TCIRG1: variants seen among roughly 807,000 people sequenced by gnomAD.
The protein encoded by TCIRG1 is T cell immune regulator 1, ATPase H+ transporting V0 subunit a3, also known as V-type proton ATPase 116 kDa subunit a 3.
A neutral mutation model predicts 95.5 loss-of-function variants in TCIRG1; 86 were observed. The ratio of observed to expected loss-of-function variants is 0.90; its 90% CI spans 0.76 to 1.08. TCIRG1 has a LOEUF of 1.08. Ranked by LOEUF, TCIRG1 falls within the 50% of genes least tolerant of loss-of-function variation. The pLI is 0.00. For synonymous variants in TCIRG1, 499 were observed against 501.3 expected (o/e 1.00, Z 0.06); for missense variants, 1,069 against 1,140.2 (o/e 0.94, Z 0.90).
chr11:68,044,223 A>G lies in TCIRG1; in HGVS notation c.899A>G (p.Lys300Arg). Residue 300 changes from lysine to arginine, a missense_variant, in exon 9 of 20, where the codon AAG becomes AGG. Coordinates refer to ENST00000265686, the MANE Select transcript of TCIRG1 (RefSeq NM_006019.4). ...GGGCAGGTGCAGGTCCACAAGATGAAGGCCGTGTACCTGGCCCTGAACCAG... is the reference window on the plus strand; with the variant it reads ...GGGCAGGTGCAGGTCCACAAGATGAGGGCCGTGTACCTGGCCCTGAACCAG... ...PPGQVQVHKMKAVYLALNQCS... is the reference protein window; with the variant it reads ...PPGQVQVHKMRAVYLALNQCS... 1 of 1,582,782 alleles carries G rather than the reference A, an allele frequency of 6.3e-7. No homozygotes were observed. Among genetic ancestry groups the G allele is most frequent in the Non-Finnish European group, 8.6e-7 (1 of 1,166,118 alleles).
intron 10 of TCIRG1, among the ~76,000 whole-genome samples, chr11:68,045,928 G>T (rs1855460781): frequency 6.6e-6 from 1 of 152,196 alleles, no homozygotes; most frequent in South Asian, 2.1e-4. Context: ...TATGGGCCGG[G>T]CCCCCACTCA....
At chr11:68,050,090 G>A (rs780916337) in intron 17 of TCIRG1, 24 bp downstream of exon 17, 1 of 1,612,308 alleles carries the variant, frequency 6.2e-7, no homozygotes, top group South Asian at 1.1e-5. Context: ...CTTCCTGGGG[G>A]TGGGACGGCT....
At chr11:68,048,147 C>A in intron 13 of TCIRG1, 175 bp downstream of exon 13, 1 of 696,550 alleles carries the variant, frequency 1.4e-6, no homozygotes, top group Non-Finnish European at 2.6e-6. Context: ...GCATCACAGT[C>A]CCCTGAGTGT....
chr11:68,040,467 G>T lies in TCIRG1; in HGVS notation c.-4-801G>T, dbSNP rs558432292. 2.0e-5 allele frequency among the ~76,000 whole-genome samples: 3 copies of T among 152,322 alleles called. No homozygotes were observed. In the South Asian group the frequency reaches 6.2e-4, roughly 32 times the overall value. On this transcript the variant is annotated intron_variant, in intron 1 of 19. Transcript: ENST00000265686. ...GTTAAGTAAACCAGACCCAGGGGAG[G>T]AAGTGACTGGCTGGGCAGGCGGGGC...
chr11:68,046,472 C>T (rs1403421849), intron 10 of TCIRG1, among the ~76,000 whole-genome samples: 3 of 152,186 alleles, frequency 2.0e-5, no homozygotes, highest in Non-Finnish European at 4.4e-5. Flanking sequence ...CACTGTTCTC[C>T]TTCTATGTGG....
chr11:68,047,894 G>A lies in TCIRG1; in HGVS notation c.1476G>A (p.Leu492=), dbSNP rs1270247395. The change falls in exon 13 of 20, where the codon CTG becomes CTA. Residue 492 remains leucine, a synonymous_variant. Coordinates refer to ENST00000265686, the MANE Select transcript of TCIRG1 (RefSeq NM_006019.4). ...ANQSGWSDAF[L]AQHTMLTLDP... is the part of the protein sequence containing the mutation. ...TGCGTTGCCGCAGTGATGCATTCCT[G>A]GCCCAGCACACGATGCTTACCCTGG... The A allele has an allele frequency of 2.4e-5, 38 of 1,613,662 alleles. No individual in the cohort carries two copies. Among genetic ancestry groups the A allele is most frequent in the Non-Finnish European group, 3.2e-5 (38 of 1,180,006 alleles).
In TCIRG1 at chr11:68,047,874, T is replaced by C. The variant is rs747745829; in HGVS notation, c.1464-8T>C. 6.2e-7 allele frequency: 1 copy of C among 1,613,320 alleles called. No individual in the cohort carries two copies. Among genetic ancestry groups the C allele is most frequent in the African/African-American group, 1.3e-5 (1 of 74,932 alleles). On this transcript the variant is annotated splice_polypyrimidine_tract_variant and splice_region_variant and intron_variant, in intron 12 of 19. Coordinates refer to ENST00000265686, the MANE Select transcript of TCIRG1 (RefSeq NM_006019.4). Reference sequence around the variant, plus strand: ...CAGCCCTGACCGCCCTCCCCTGCGTTGCCGCAGTGATGCATTCCTGGCCCA... The same window carrying C: ...CAGCCCTGACCGCCCTCCCCTGCGTCGCCGCAGTGATGCATTCCTGGCCCA...
At chr11:68,053,698 C>T (rs974815176), downstream of TCIRG1, 2 of 332,774 alleles carry the variant, frequency 6.0e-6, no homozygotes, top group African/African-American at 4.2e-5. Context: ...GAAACCTTAG[C>T]CCCCAAATAT....
At chr11:68,043,165 C>A in intron 5 of TCIRG1, 134 bp downstream of exon 5, 5 of 1,520,864 alleles carry the variant, frequency 3.3e-6, no homozygotes, top group Non-Finnish European at 3.5e-6. Context: ...CCTTCAGGCC[C>A]GGAACTTCCC....
At chr11:68,048,771 G>C (rs1769434983) in intron 13 of TCIRG1, 108 bp from the exon 14 acceptor site, 1 of 885,738 alleles carries the variant, frequency 1.1e-6, no homozygotes, top group Non-Finnish European at 1.9e-6. Context: ...GAGGCTGCAG[G>C]CTCCGAGGGG....
chr11:68,043,731 A>T (rs1333656223), intron 7 of TCIRG1, 78 bp downstream of exon 7: 5 of 1,534,056 alleles, frequency 3.3e-6, no homozygotes, highest in Non-Finnish European at 3.5e-6. Context: ...CCCTATCGTG[A>T]CTCCTCCCCA....
intron 15 of TCIRG1, 88 bp from the exon 16 acceptor site, chr11:68,049,575 C>A: frequency 6.5e-7 from 1 of 1,532,356 alleles, no homozygotes; most frequent in Non-Finnish European, 8.8e-7. Context: ...CGACCGCAGG[C>A]TCTCTGGGCC....
In TCIRG1 at chr11:68,046,843, A is replaced by T. The variant is rs558358048; in HGVS notation, c.1166-590A>T. The T allele has an allele frequency of 1.7e-4, 79 of 455,914 alleles. 3 individuals are homozygous for T. Among genetic ancestry groups the T allele is most frequent in the South Asian group, 1.2e-3 (79 of 64,468 alleles). The allele number at this position is 455,914 out of a possible 1,614,324, so 28.2% of individuals were successfully genotyped here. ...TGTGTGGAGCTCTGGGAACAGCAAC[A>T]GCTGAAGCTGCTAACTTCCTGTGGC... On this transcript the variant is annotated intron_variant, in intron 10 of 19. Coordinates refer to ENST00000265686, the MANE Select transcript of TCIRG1 (RefSeq NM_006019.4).
chr11:68,051,739 A>T (rs187607068), downstream of TCIRG1, among the ~76,000 whole-genome samples: 211 of 152,324 alleles, frequency 1.4e-3, no homozygotes, highest in African/African-American at 4.8e-3. Context: ...GTGCTGGGGT[A>T]GGAGCAGAGA....
chr11:68,044,358 G>A lies in TCIRG1; in HGVS notation c.1020+14G>A, dbSNP rs762453223. 1 of 1,547,138 alleles carries A rather than the reference G, an allele frequency of 6.5e-7. No homozygotes were observed. The highest frequency in any genetic ancestry group is 1.9e-5 in the Admixed American group (1 of 51,814). On this transcript the variant is annotated intron_variant, in intron 9 of 19. Transcript: ENST00000265686. The stretch of plus-strand genomic sequence containing the variant: ...CGGGACAGCTCGGTGAGCAGCCTGA[G>A]GCCTCGCCCCCTCTCCGCCCGCCCC...
chr11:68,050,311 G>A (rs1409923931), intron 18 of TCIRG1, 57 bp downstream of exon 18: 1 of 1,598,766 alleles, frequency 6.3e-7, no homozygotes, highest in Non-Finnish European at 8.5e-7. Flanking sequence ...ACATACCGCT[G>A]CTGGCTGGGC....
At chr11:68,047,244 C>T (rs1330234458) in intron 10 of TCIRG1, among the ~76,000 whole-genome samples, 189 bp from the exon 11 acceptor site, 7 of 102,338 alleles carry the variant, frequency 6.8e-5, no homozygotes, top group Middle Eastern at 4.8e-3. Context: ...CTCCTGACCT[C>T]GGGTGATGCC....
At chr11:68,050,936 G>A (rs1168782742), downstream of TCIRG1, 2 of 1,194,854 alleles carry the variant, frequency 1.7e-6, no homozygotes, top group Non-Finnish European at 1.2e-6. Flanking sequence ...AGCTGAGGCA[G>A]GTGGCAGGGT....
At chr11:68,041,962 G>A (rs1855190807) in intron 3 of TCIRG1, 131 bp downstream of exon 3, 4 of 825,828 alleles carry the variant, frequency 4.8e-6, no homozygotes, top group Non-Finnish European at 8.0e-6. Context: ...GGGCCCTGCA[G>A]GGCCAAGACA....
Sources: allele counts gnomAD v4.1 joint callset (sites outside exome capture counted in the v4.1 genomes callset), GRCh38; gene constraint gnomAD v4.1.1; transcripts MANE v1.5; gene names NCBI Gene and HGNC (gene_info 2026-07-23, HGNC 2026-07-21).